The following MED13L variants were observed in gnomAD, a reference collection of about 807,000 sequenced individuals.
The protein encoded by MED13L is mediator of RNA polymerase II transcription subunit 13-like.
MED13L carries 7 observed loss-of-function variants against 220.9 expected under a neutral mutation model. That is an observed-to-expected ratio of 0.03 (90% CI 0.02 to 0.06). The LOEUF is 0.06. Ranked by LOEUF, MED13L falls within the 10% of genes least tolerant of loss-of-function variation. The pLI, the probability that MED13L is intolerant of heterozygous loss-of-function variation, is 1.00. For synonymous variants in MED13L, 1,011 were observed against 1,015.2 expected, an observed-to-expected ratio of 1.00 and a Z score of 0.08; for missense variants, 1,965 against 2,760.5, an observed-to-expected ratio of 0.71 and a Z score of 6.46.
Position 116,102,710 on chromosome 12 carries a change from C to CTTTTTTTTT in MED13L, c.396-5967_396-5959dup, listed in dbSNP as rs869201518. Among the ~76,000 whole-genome samples, 82 of 68,666 alleles carry CTTTTTTTTT rather than the reference C, an allele frequency of 1.2e-3. 1 individual carries two copies. The highest frequency in any genetic ancestry group is 1.7e-3 in the South Asian group (3 of 1,790). The allele number at this position is 68,666 out of a possible 152,430, so 45.0% of individuals were successfully genotyped here. ...TATTTTCTTTTTCTTTTTCTTTTTTCTTTTTTTTTTTTTTTTTTTTTTTTT... is the reference window on the plus strand; with the variant it reads ...TATTTTCTTTTTCTTTTTCTTTTTTCTTTTTTTTTTTTTTTTTTTTTTTTTTTTTTTTTT... On this transcript the variant is annotated intron_variant, in intron 3 of 30. Transcript: ENST00000281928.
chr12:116,094,143 T>A (rs930461894), intron 4 of MED13L, among the ~76,000 whole-genome samples: 1 of 152,206 alleles, frequency 6.6e-6, no homozygotes, highest in African/African-American at 2.4e-5. Context: ...ACTGAGATCC[T>A]ATTTCAACAT....
chr12:116,012,348 T>C (rs1179934288), intron 9 of MED13L, among the ~76,000 whole-genome samples: 1 of 152,194 alleles, frequency 6.6e-6, no homozygotes, highest in African/African-American at 2.4e-5. Context: ...CAGTTTTAGC[T>C]TTTAGCAGTT....
In MED13L at chr12:115,975,504, A is replaced by T. The variant is rs1876875850; in HGVS notation, c.5588+11T>A. The T allele has an allele frequency of 6.2e-7, 1 of 1,610,542 alleles. No homozygotes were observed. Among genetic ancestry groups the T allele is most frequent in the African/African-American group, 1.3e-5 (1 of 74,848 alleles). The stretch of plus-strand genomic sequence containing the variant: ...TAATTTACATGCACCATAAACATCA[A>T]GTCTTCTCACCTGTTTGGTAAAGCA... On this transcript the variant is annotated intron_variant, in intron 24 of 30. Coordinates refer to ENST00000281928, the MANE Select transcript of MED13L (RefSeq NM_015335.5).
At position 115,960,898 on chromosome 12, in the gene MED13L, C is replaced by T. The variant is rs1207506541; in HGVS notation, c.*368G>A. 3 of 336,770 alleles carry T rather than the reference C, an allele frequency of 8.9e-6. No homozygotes were observed. In the Admixed American group the frequency reaches 1.2e-4, roughly 13 times the overall value. The allele number at this position is 336,770 out of a possible 1,614,324, so 20.9% of individuals were successfully genotyped here. A position where few individuals can be genotyped will look rare whatever the true frequency, so the allele number is the denominator to read the frequency against. On this transcript the variant is annotated 3_prime_UTR_variant, in exon 31 of 31. Transcript: ENST00000281928. ...TTCATCCAAAGGGCTAGACTGCCCT[C>T]AATTGTATACAGAGGCTGAAAACAC... is the stretch of plus-strand genomic sequence containing the variant.
At chr12:116,038,753 A>AAT (rs1881346028) in intron 4 of MED13L, among the ~76,000 whole-genome samples, 1 of 128,402 alleles carries the variant, frequency 7.8e-6, no homozygotes, top group African/African-American at 2.7e-5. Flanking sequence ...CCAAAAAAAA[A>AAT]AAAAAAAAAA....
chr12:116,255,454 C>A (rs1269871100), intron 1 of MED13L, among the ~76,000 whole-genome samples: 1 of 152,152 alleles, frequency 6.6e-6, no homozygotes, highest in Non-Finnish European at 1.5e-5. Flanking sequence ...AAGAAAAAAA[C>A]TTTCCTGCTT....
intron 4 of MED13L, among the ~76,000 whole-genome samples, chr12:116,031,080 AATT>A (rs1880707592): frequency 1.3e-5 from 2 of 152,290 alleles, no homozygotes; most frequent in South Asian, 4.1e-4. Context: ...GTTCAATAAT[AATT>A]ATTTTTAAAA....
intron 2 of MED13L, among the ~76,000 whole-genome samples, chr12:116,219,945 C>T (rs1473864523): frequency 6.6e-6 from 1 of 152,016 alleles, no homozygotes; most frequent in Admixed American, 6.6e-5. Context: ...TACAGGTGCG[C>T]ACCACCATGC....
chr12:116,008,448 T>C lies in MED13L; in HGVS notation c.1965A>G (p.Arg655=), dbSNP rs1394799124. Residue 655 remains arginine, a synonymous_variant, in exon 10 of 31, where the codon AGA becomes AGG. Transcript: ENST00000281928. ...EFRPPELQGE[R]CDAKMEVNSE... ...AGTTTACCTCCATTTTGGCATCACA[T>C]CTCTCACCCTGGAGCTCTGGAGGCC... 2.5e-6 allele frequency: 4 copies of C among 1,612,980 alleles called. No individual in the cohort carries two copies. In the Admixed American group the frequency reaches 5.0e-5, roughly 20 times the overall value.
At chr12:115,968,062 C>CG (rs964616100) in intron 28 of MED13L, among the ~76,000 whole-genome samples, 2 of 134,122 alleles carry the variant, frequency 1.5e-5, no homozygotes, top group Non-Finnish European at 3.3e-5. Flanking sequence ...GTCCCCCCCC[C>CG]CCCCCGATGA....
intron 2 of MED13L, among the ~76,000 whole-genome samples, chr12:116,156,402 T>TAAAAAAAAAAAAAAAA (rs11366103): frequency 8.4e-6 from 1 of 119,450 alleles, no homozygotes; most frequent in South Asian, 2.8e-4. Context: ...TCCAATTACT[T>TAAAAAAAAAAAAAAAA]AAAAAAAAAA....
chr12:115,987,389 T>C, intron 17 of MED13L, 101 bp from the exon 18 acceptor site: 2 of 1,082,182 alleles, frequency 1.8e-6, no homozygotes, highest in East Asian at 2.6e-5. Flanking sequence ...ACAATGACGT[T>C]ATTAGCTGTA....
At chr12:116,171,047 T>A (rs1879646074) in intron 2 of MED13L, among the ~76,000 whole-genome samples, 1 of 152,274 alleles carries the variant, frequency 6.6e-6, no homozygotes, top group African/African-American at 2.4e-5. Flanking sequence ...TGCTTTTGCA[T>A]CATCAGTACA....
At chr12:116,190,169 G>A (rs1382118033) in intron 2 of MED13L, among the ~76,000 whole-genome samples, 1 of 152,090 alleles carries the variant, frequency 6.6e-6, no homozygotes, top group Non-Finnish European at 1.5e-5. Flanking sequence ...TCACCATTAA[G>A]AATAATCTTA....
At chr12:116,007,257 G>A in intron 11 of MED13L, 154 bp downstream of exon 11, 5 of 739,654 alleles carry the variant, frequency 6.8e-6, no homozygotes, top group South Asian at 4.5e-5. Flanking sequence ...ACAATACGCT[G>A]TTCAATACAA....
chr12:116,060,911 C>T (rs1869418679), intron 4 of MED13L, among the ~76,000 whole-genome samples: 1 of 152,148 alleles, frequency 6.6e-6, no homozygotes, highest in African/African-American at 2.4e-5. Context: ...AGTTATGACA[C>T]ATACATGGCA....
At chr12:116,261,204 A>G (rs1872487307) in intron 1 of MED13L, among the ~76,000 whole-genome samples, 2 of 151,926 alleles carry the variant, frequency 1.3e-5, no homozygotes, top group African/African-American at 4.8e-5. Flanking sequence ...TGTCTCAAAT[A>G]TTTTCTGTAG....
chr12:116,167,455 T>C (rs989120219), intron 2 of MED13L, among the ~76,000 whole-genome samples: 2 of 152,212 alleles, frequency 1.3e-5, no homozygotes, highest in Non-Finnish European at 2.9e-5. Context: ...TTTAGAGCTA[T>C]GTTGACTTAC....
At chr12:116,113,885 C>T (rs1874309086) in intron 2 of MED13L, among the ~76,000 whole-genome samples, 1 of 146,556 alleles carries the variant, frequency 6.8e-6, no homozygotes, top group Non-Finnish European at 1.5e-5. Flanking sequence ...AGGGGGAGAT[C>T]GATCAAGAAG....
Sources: allele counts gnomAD v4.1 joint callset (sites outside exome capture counted in the v4.1 genomes callset), GRCh38; gene constraint gnomAD v4.1.1; transcripts MANE v1.5; gene names NCBI Gene and HGNC (gene_info 2026-07-23, HGNC 2026-07-21).